ERBB4: variants seen among roughly 807,000 people sequenced by gnomAD.
The protein encoded by ERBB4 is erb-b2 receptor tyrosine kinase 4.
A neutral mutation model predicts 158.0 loss-of-function variants in ERBB4; 42 were observed. That is an observed-to-expected ratio of 0.27 (90% CI 0.21 to 0.34). The LOEUF (loss-of-function observed/expected upper bound fraction) is 0.34. Among genes scored for constraint, ERBB4 ranks in the 10% least tolerant of loss-of-function variants. ERBB4 has a pLI of 1.00. For missense variants in ERBB4, 1,333 were observed against 1,624.1 expected (o/e 0.82, Z 3.08); for synonymous variants, 583 against 558.7 (o/e 1.04, Z -0.61).
chr2:211,896,280 G>A (rs1316605043), intron 3 of ERBB4, among the ~76,000 whole-genome samples: 1 of 152,090 alleles, frequency 6.6e-6, no homozygotes, highest in Middle Eastern at 3.2e-3. Flanking sequence ...CACAGCTTCT[G>A]TAATCTTTTC....
intron 1 of ERBB4, among the ~76,000 whole-genome samples, chr2:212,451,544 A>T (rs2092446281): frequency 1.3e-5 from 2 of 152,246 alleles, no homozygotes; most frequent in Admixed American, 6.5e-5. Flanking sequence ...CTGTGGATTA[A>T]AAGAGTAGCT....
intron 1 of ERBB4, among the ~76,000 whole-genome samples, chr2:212,328,367 G>A (rs1340319698): frequency 6.6e-6 from 1 of 151,906 alleles, no homozygotes; most frequent in Non-Finnish European, 1.5e-5. Context: ...TTATTACCCA[G>A]ACTTGTATAC....
At chr2:212,216,321 T>C (rs964297055) in intron 1 of ERBB4, among the ~76,000 whole-genome samples, 2 of 151,390 alleles carry the variant, frequency 1.3e-5, no homozygotes, top group Non-Finnish European at 3.0e-5. Context: ...AAATGCAATA[T>C]GTATCAAATA....
intron 3 of ERBB4, among the ~76,000 whole-genome samples, chr2:211,913,619 A>ATATG (rs1392716173): frequency 1.4e-4 from 19 of 132,818 alleles, no homozygotes; most frequent in South Asian, 5.3e-4. Context: ...ATATATATAT[A>ATATG]TGTGTGTGTG....
intron 1 of ERBB4, among the ~76,000 whole-genome samples, chr2:212,441,144 T>A (rs529192782): frequency 1.3e-5 from 2 of 152,300 alleles, no homozygotes; most frequent in South Asian, 4.1e-4. Context: ...TGGGCACATG[T>A]GGGAGGATTC....
At chr2:211,781,087 C>A (rs929772547) in intron 4 of ERBB4, among the ~76,000 whole-genome samples, 1 of 151,900 alleles carries the variant, frequency 6.6e-6, no homozygotes, top group Non-Finnish European at 1.5e-5. Context: ...TACACAATAC[C>A]TTAGAAAGGC....
chr2:211,504,927 A>G (rs927264283), intron 20 of ERBB4, among the ~76,000 whole-genome samples: 2 of 152,130 alleles, frequency 1.3e-5, no homozygotes, highest in African/African-American at 4.8e-5. Flanking sequence ...AAAACAAGCA[A>G]AGCATTTGAG....
chr2:212,538,379 AG>A, intron 1 of ERBB4, 69 bp downstream of exon 1: 1 of 1,348,866 alleles, frequency 7.4e-7, no homozygotes, highest in Non-Finnish European at 1.1e-6. Flanking sequence ...TGAAGAGGGC[AG>A]GGGAGCCACT....
intron 3 of ERBB4, among the ~76,000 whole-genome samples, chr2:211,888,797 T>C (rs1384441732): frequency 7.9e-5 from 12 of 151,788 alleles, no homozygotes; most frequent in Admixed American, 7.9e-4. Context: ...CGGACGCACC[T>C]GGAAAATCGG....
At chr2:211,951,591 C>T (rs990527219) in intron 2 of ERBB4, among the ~76,000 whole-genome samples, 4 of 152,068 alleles carry the variant, frequency 2.6e-5, no homozygotes, top group Admixed American at 1.3e-4. Context: ...ACATACTTCT[C>T]ATTTCAGGGT....
At chr2:211,655,970 CAT>C (rs2071200560) in intron 16 of ERBB4, among the ~76,000 whole-genome samples, 1 of 152,112 alleles carries the variant, frequency 6.6e-6, no homozygotes, top group African/African-American at 2.4e-5. Context: ...ATTTTAAAAA[CAT>C]GTAAAGGCAA....
At chr2:211,674,400 T>A (rs1189620793) in intron 13 of ERBB4, among the ~76,000 whole-genome samples, 1 of 152,112 alleles carries the variant, frequency 6.6e-6, no homozygotes, top group Non-Finnish European at 1.5e-5. Context: ...TGATGAGCTA[T>A]CTTTTCTGCC....
chr2:212,506,552 C>T (rs575163672), intron 1 of ERBB4, among the ~76,000 whole-genome samples: 1 of 150,490 alleles, frequency 6.6e-6, no homozygotes, highest in East Asian at 1.9e-4. Context: ...AAAAGTCAAA[C>T]AGCCTTATTG....
intron 3 of ERBB4, among the ~76,000 whole-genome samples, chr2:211,796,808 C>A (rs1431938715): frequency 1.3e-5 from 2 of 151,870 alleles, no homozygotes; most frequent in African/African-American, 4.8e-5. Flanking sequence ...CTGTTAAAAA[C>A]CTGATCTTTA....
intron 1 of ERBB4, among the ~76,000 whole-genome samples, chr2:212,348,820 C>A (rs2089130217): frequency 6.6e-6 from 1 of 152,008 alleles, no homozygotes; most frequent in South Asian, 2.1e-4. Context: ...AAAACCTGCT[C>A]ATAATAAAAT....
intron 17 of ERBB4, among the ~76,000 whole-genome samples, chr2:211,624,386 G>A (rs2069755055): frequency 6.6e-6 from 1 of 151,988 alleles, no homozygotes; most frequent in African/African-American, 2.4e-5. Context: ...TGGGAAGCCA[G>A]GACAAATGTG....
At chr2:211,986,012 C>G (rs115022338) in intron 2 of ERBB4, among the ~76,000 whole-genome samples, 1,786 of 152,270 alleles carry the variant, frequency 0.012, 14 homozygotes, top group Middle Eastern at 0.027. Context: ...GGGTGGGCCT[C>G]CATCCAGTGA....
At chr2:211,612,130 T>A (rs1384081491) in intron 19 of ERBB4, among the ~76,000 whole-genome samples, 2 of 152,034 alleles carry the variant, frequency 1.3e-5, no homozygotes, top group Non-Finnish European at 2.9e-5. Flanking sequence ...TTATTCCAAC[T>A]ACAATATGCT....
At chr2:211,695,271 T>C (rs1437671054) in intron 12 of ERBB4, among the ~76,000 whole-genome samples, 1 of 152,180 alleles carries the variant, frequency 6.6e-6, no homozygotes, top group African/African-American at 2.4e-5. Flanking sequence ...CAATTAACTA[T>C]AGTTCTGAAA....
Sources: gnomAD v4.1 joint callset for allele counts (sites outside exome capture counted in the v4.1 genomes callset) on GRCh38, gnomAD v4.1.1 for gene constraint, MANE v1.5 for transcripts, NCBI Gene and HGNC (gene_info 2026-07-23, HGNC 2026-07-21) for gene names.